WDR70: variants seen among roughly 807,000 people sequenced by gnomAD.
WDR70 encodes WD repeat-containing protein 70.
In WDR70, 53 loss-of-function variants were observed where a neutral mutation model predicts 88.6. The ratio of observed to expected loss-of-function variants is 0.60; its 90% CI spans 0.48 to 0.75. WDR70 has a LOEUF of 0.75. Among genes scored for constraint, WDR70 ranks in the 30% least tolerant of loss-of-function variants. WDR70 has a pLI of 0.00. For synonymous variants in WDR70, 280 were observed against 270.0 expected (o/e 1.04, Z -0.36); for missense variants, 610 against 823.2 (o/e 0.74, Z 3.17).
At chr5:37,393,117 A>C (rs746151945) in intron 4 of WDR70, among the ~76,000 whole-genome samples, 1 of 152,084 alleles carries the variant, frequency 6.6e-6, no homozygotes, top group East Asian at 1.9e-4. Flanking sequence ...ATCTCAGCTC[A>C]CTGCAACCTC....
intron 10 of WDR70, among the ~76,000 whole-genome samples, chr5:37,635,235 G>GTT (rs1367060297): frequency 6.6e-6 from 1 of 152,174 alleles, no homozygotes; most frequent in African/African-American, 2.4e-5. Context: ...AAATGGCACA[G>GTT]TTATCCTCAG....
intron 5 of WDR70, among the ~76,000 whole-genome samples, chr5:37,415,632 C>T (rs1391541029): frequency 7.8e-4 from 118 of 150,542 alleles, no homozygotes; most frequent in Non-Finnish European, 1.3e-3. Flanking sequence ...CCACCTCCCT[C>T]CCGGACGGGG....
intron 9 of WDR70, among the ~76,000 whole-genome samples, chr5:37,519,134 CATT>C (rs1194273502): frequency 2.0e-5 from 3 of 152,220 alleles, no homozygotes; most frequent in Non-Finnish European, 4.4e-5. Flanking sequence ...CTTTTCCCCA[CATT>C]TCCCCCTTTT....
chr5:37,522,796 T>C (rs1741137635), intron 9 of WDR70, among the ~76,000 whole-genome samples: 1 of 152,196 alleles, frequency 6.6e-6, no homozygotes, highest in Admixed American at 6.5e-5. Context: ...ACTGTGCTTT[T>C]CCAACGGTCT....
chr5:37,587,393 C>G (rs1376188766), intron 9 of WDR70, among the ~76,000 whole-genome samples: 1 of 151,868 alleles, frequency 6.6e-6, no homozygotes, highest in Non-Finnish European at 1.5e-5. Flanking sequence ...CTCTTTGCGT[C>G]TTTTACACCA....
chr5:37,415,837 C>T (rs1332257693), intron 5 of WDR70, among the ~76,000 whole-genome samples: 1 of 121,284 alleles, frequency 8.2e-6, no homozygotes, highest in African/African-American at 3.2e-5. Context: ...CAGACGGGGT[C>T]GCGGCCGGGC....
chr5:37,562,220 G>GGT (rs1175827496), intron 9 of WDR70, among the ~76,000 whole-genome samples: 1 of 152,148 alleles, frequency 6.6e-6, no homozygotes, highest in Non-Finnish European at 1.5e-5. Flanking sequence ...AGCTGGGTGT[G>GGT]GTGGCACATG....
chr5:37,725,223 A>G (rs1747937333), intron 16 of WDR70, among the ~76,000 whole-genome samples, 173 bp downstream of exon 16: 1 of 152,150 alleles, frequency 6.6e-6, no homozygotes, highest in South Asian at 2.1e-4. Context: ...TGCAGAATCC[A>G]GATGTATAAA....
chr5:37,523,156 A>T (rs1296246029), intron 9 of WDR70, among the ~76,000 whole-genome samples: 1 of 152,180 alleles, frequency 6.6e-6, no homozygotes, highest in African/African-American at 2.4e-5. Flanking sequence ...ATGGAGTTTG[A>T]GATCTGAGAA....
At chr5:37,588,016 C>A (rs1261741878) in intron 9 of WDR70, among the ~76,000 whole-genome samples, 1 of 152,072 alleles carries the variant, frequency 6.6e-6, no homozygotes, top group East Asian at 1.9e-4. Context: ...ATCCTGGTTT[C>A]TTCAGGGCCA....
At chr5:37,453,683 T>C (rs1458203517) in intron 7 of WDR70, among the ~76,000 whole-genome samples, 2 of 152,244 alleles carry the variant, frequency 1.3e-5, no homozygotes, top group East Asian at 3.8e-4. Flanking sequence ...CACCTTCTCT[T>C]TGACATTTTC....
rs1435513615 is a variant in WDR70, at chr5:37,512,335, C to T, written c.841-4179C>T. Among the ~76,000 whole-genome samples the T allele has an allele frequency of 2.6e-5, 4 of 152,120 alleles. No homozygotes were observed. In the East Asian group the frequency reaches 7.7e-4, roughly 29 times the overall value. Reference sequence around the variant, plus strand: ...TCTCCTGGGCTCAAGCCATCCTCCACCTCAGCCTCCCAAATAACTGGGACT... The same window carrying T: ...TCTCCTGGGCTCAAGCCATCCTCCATCTCAGCCTCCCAAATAACTGGGACT... On this transcript the variant is annotated intron_variant, in intron 8 of 17. Transcript: ENST00000265107.
At chr5:37,690,378 G>A (rs1746752331) in intron 10 of WDR70, among the ~76,000 whole-genome samples, 2 of 152,076 alleles carry the variant, frequency 1.3e-5, no homozygotes, top group Admixed American at 6.6e-5. Context: ...GATACTCCTC[G>A]AGAAGAGCAA....
At chr5:37,388,151 T>C (rs1023318123) in intron 3 of WDR70, among the ~76,000 whole-genome samples, 2 of 151,950 alleles carry the variant, frequency 1.3e-5, no homozygotes, top group African/African-American at 4.8e-5. Flanking sequence ...ACAGAGTCTC[T>C]CTCTGTCGCC....
intron 9 of WDR70, among the ~76,000 whole-genome samples, chr5:37,602,011 T>C (rs879611975): frequency 1.6e-5 from 2 of 121,356 alleles, no homozygotes; most frequent in Non-Finnish European, 1.6e-5. Flanking sequence ...TAAGTGGGAG[T>C]GGAACAATGA....
At chr5:37,735,677 A>C (rs935464183) in intron 17 of WDR70, among the ~76,000 whole-genome samples, 1 of 152,148 alleles carries the variant, frequency 6.6e-6, no homozygotes. Context: ...GCTAGAGTAT[A>C]CTGTTTACTG....
Position 37,430,583 on chromosome 5 carries a change from C to T in WDR70, c.493-7339C>T, listed in dbSNP as rs185033592. ...TTTTCTTTTTTTCTTTTTTTTGATA[C>T]GGAGTCTCGCTCTGTTGCCCAGGCT... On this transcript the variant is annotated intron_variant, in intron 5 of 17. Transcript: ENST00000265107. Among the ~76,000 whole-genome samples the T allele has an allele frequency of 2.0e-3, 306 of 151,440 alleles. 2 individuals carry two copies. Among genetic ancestry groups the T allele is most frequent in the South Asian group, 0.015 (71 of 4,792 alleles).
chr5:37,477,962 T>G lies in WDR70; in HGVS notation c.687-1872T>G, dbSNP rs536184397. Among the ~76,000 whole-genome samples, 27 of 152,314 alleles carry G rather than the reference T, an allele frequency of 1.8e-4. No individual in the cohort carries two copies. In the South Asian group the frequency reaches 5.4e-3, roughly 30 times the overall value. On this transcript the variant is annotated intron_variant, in intron 7 of 17. Coordinates refer to ENST00000265107, the MANE Select transcript of WDR70 (RefSeq NM_018034.4). ...CTGGAAAATTAATAATAGCCTTGATTCAGGCATTTAAATGTATGCTATTGT... is the reference window on the plus strand; with the variant it reads ...CTGGAAAATTAATAATAGCCTTGATGCAGGCATTTAAATGTATGCTATTGT...
At chr5:37,535,671 C>T (rs1211511120) in intron 9 of WDR70, among the ~76,000 whole-genome samples, 4 of 152,174 alleles carry the variant, frequency 2.6e-5, no homozygotes, top group African/African-American at 7.2e-5. Flanking sequence ...CATTGGGATA[C>T]TAGCTCATAA....
Sources: gnomAD v4.1 joint callset for allele counts (sites outside exome capture counted in the v4.1 genomes callset) on GRCh38, gnomAD v4.1.1 for gene constraint, MANE v1.5 for transcripts, NCBI Gene and HGNC (gene_info 2026-07-23, HGNC 2026-07-21) for gene names.